The following PITPNM2 variants were observed in gnomAD, a reference collection of about 807,000 sequenced individuals.
PITPNM2 encodes phosphatidylinositol transfer protein membrane associated 2.
A neutral mutation model predicts 132.2 loss-of-function variants in PITPNM2; 35 were observed. That is an observed-to-expected ratio of 0.26 (90% CI 0.20 to 0.35). The LOEUF (loss-of-function observed/expected upper bound fraction) is 0.35, where lower values mean the gene tolerates loss of function less well. Among genes scored for constraint, PITPNM2 ranks in the 10% least tolerant of loss-of-function variants. The pLI is 1.00. For missense variants in PITPNM2, 1,332 were observed against 1,912.0 expected, an observed-to-expected ratio of 0.70 and a Z score of 5.66; for synonymous variants, 738 against 799.2, an observed-to-expected ratio of 0.92 and a Z score of 1.29.
chr12:122,996,416 G>A, intron 13 of PITPNM2, 42 bp downstream of exon 13: 1 of 1,609,518 alleles, frequency 6.2e-7, no homozygotes, highest in Admixed American at 1.7e-5. Flanking sequence ...GCGTGCAGGA[G>A]GCTTCAGGCC....
At chr12:123,028,905 G>T (rs549042226) in intron 3 of PITPNM2, among the ~76,000 whole-genome samples, 1 of 152,284 alleles carries the variant, frequency 6.6e-6, no homozygotes, top group East Asian at 1.9e-4. Flanking sequence ...TCTCAAGATG[G>T]AAATTGGGCT....
intron 3 of PITPNM2, among the ~76,000 whole-genome samples, chr12:123,028,713 A>G (rs2039957959): frequency 2.0e-5 from 3 of 152,186 alleles, no homozygotes; most frequent in Admixed American, 6.5e-5. Flanking sequence ...GTACGTTCAC[A>G]CTTTTGAGTC....
intron 2 of PITPNM2, among the ~76,000 whole-genome samples, chr12:123,039,968 C>CA (rs905542086): frequency 6.6e-6 from 1 of 152,040 alleles, no homozygotes; most frequent in African/African-American, 2.4e-5. Context: ...CCCATCTCTA[C>CA]AAAAAATACA....
intron 2 of PITPNM2, among the ~76,000 whole-genome samples, chr12:123,051,959 G>A (rs1393341033): frequency 6.7e-6 from 1 of 149,390 alleles, no homozygotes; most frequent in African/African-American, 2.5e-5. Flanking sequence ...CTGGAGTGCC[G>A]TGGCGCCATC....
At chr12:123,136,232 G>A (rs771966647) in intron 1 of PITPNM2, among the ~76,000 whole-genome samples, 30 of 151,950 alleles carry the variant, frequency 2.0e-4, no homozygotes, top group Non-Finnish European at 4.0e-4. Flanking sequence ...AACCCAGGAG[G>A]CAGAGCTTGC....
chr12:123,092,839 C>T (rs1168052534), intron 2 of PITPNM2: 4 of 152,310 alleles, frequency 2.6e-5, no homozygotes, highest in Non-Finnish European at 5.9e-5. Context: ...CCTACCTCGA[C>T]CTCTCCCCCG....
intron 1 of PITPNM2, among the ~76,000 whole-genome samples, chr12:123,128,536 A>G (rs1274327952): frequency 1.3e-5 from 2 of 150,890 alleles, no homozygotes; most frequent in Non-Finnish European, 3.0e-5. Flanking sequence ...GGCAAATCAC[A>G]AGGTCAGAAG....
intron 2 of PITPNM2, among the ~76,000 whole-genome samples, chr12:123,068,201 C>G (rs554405430): frequency 1.4e-4 from 7 of 49,716 alleles, no homozygotes; most frequent in Non-Finnish European, 2.6e-4. Flanking sequence ...GGCACGGTGG[C>G]TCACGCCTGT....
At chr12:123,127,364 C>A (rs532468361) in intron 1 of PITPNM2, among the ~76,000 whole-genome samples, 4 of 152,206 alleles carry the variant, frequency 2.6e-5, no homozygotes, top group Non-Finnish European at 4.4e-5. Context: ...AGGTCACTGG[C>A]GTGTTGATGC....
At chr12:122,990,202 G>A (rs569462201) in intron 17 of PITPNM2, among the ~76,000 whole-genome samples, 1 of 152,388 alleles carries the variant, frequency 6.6e-6, no homozygotes, top group African/African-American at 2.4e-5. Flanking sequence ...GGACTGAGAA[G>A]GGAACCCGGG....
chr12:123,150,564 G>C lies in PITPNM2; in HGVS notation c.-200+189C>G, dbSNP rs891910191. ...GGGCGGTCTCCCGAGCGGGGCTCCC[G>C]TACGCCACACCCTCCTCCCTGCCCG... On this transcript the variant is annotated intron_variant, in intron 1 of 25. Transcript: ENST00000320201. This position sits in a 1 kb window ranked among gnomAD's most constrained non-coding sequence, Gnocchi z 6.0. Among the ~76,000 whole-genome samples the C allele has an allele frequency of 2.4e-4, 36 of 151,192 alleles. No homozygotes were observed. Among genetic ancestry groups the C allele is most frequent in the African/African-American group, 8.0e-4 (33 of 41,174 alleles).
chr12:122,986,377 A>T, intron 25 of PITPNM2, 27 bp from the exon 26 acceptor site: 1 of 1,575,632 alleles, frequency 6.3e-7, no homozygotes, highest in Non-Finnish European at 8.6e-7. Flanking sequence ...GACGGCTGTC[A>T]CAGGCTGGGG....
At position 123,000,084 on chromosome 12, in the gene PITPNM2, C is replaced by G. The variant is rs1221612662; in HGVS notation, c.1224+694G>C. Among the ~76,000 whole-genome samples, 1 of 152,208 alleles carries G rather than the reference C, an allele frequency of 6.6e-6. No individual in the cohort carries two copies. Among genetic ancestry groups the G allele is most frequent in the Non-Finnish European group, 1.5e-5 (1 of 68,034 alleles). On this transcript the variant is annotated intron_variant, in intron 10 of 25. Coordinates refer to ENST00000320201, the MANE Select transcript of PITPNM2 (RefSeq NM_020845.3). This position sits in a 1 kb window ranked among gnomAD's most constrained non-coding sequence, Gnocchi z 5.4. ...AGGCTGTGTGGATGTCCCTCCTCCT[C>G]CCCGCCTAGATTCCCCGGGGGCCCG... is the stretch of plus-strand genomic sequence containing the variant.
chr12:123,059,130 C>T (rs947977651), intron 2 of PITPNM2, among the ~76,000 whole-genome samples: 8 of 152,168 alleles, frequency 5.3e-5, no homozygotes, highest in Non-Finnish European at 1.2e-4. Flanking sequence ...AGGGAGAAGG[C>T]CAACCAAGGA....
intron 2 of PITPNM2, among the ~76,000 whole-genome samples, chr12:123,053,183 C>T (rs982493767): frequency 8.6e-5 from 13 of 151,984 alleles, no homozygotes; most frequent in Non-Finnish European, 7.4e-5. Context: ...CCTTGCCTGG[C>T]CCTTTTTAAA....
At chr12:123,129,268 T>TA (rs1167057418) in intron 1 of PITPNM2, among the ~76,000 whole-genome samples, 2 of 150,900 alleles carry the variant, frequency 1.3e-5, no homozygotes, top group Admixed American at 6.6e-5. Context: ...GTCCTGTCTC[T>TA]AAAAAAATTA....
chr12:123,104,270 C>T (rs73413236), intron 2 of PITPNM2, among the ~76,000 whole-genome samples: 5,449 of 152,276 alleles, frequency 0.036, 318 homozygotes, highest in African/African-American at 0.12. Flanking sequence ...CCAACAGGCT[C>T]GCAGCCCCCA....
At chr12:123,042,129 A>G (rs775655512) in intron 2 of PITPNM2, among the ~76,000 whole-genome samples, 3 of 151,788 alleles carry the variant, frequency 2.0e-5, no homozygotes, top group Non-Finnish European at 4.4e-5. Context: ...ATGTCACCCA[A>G]AGAATCAAGG....
In PITPNM2 at chr12:122,987,502, G is replaced by A. The variant is rs1180057317; in HGVS notation, c.3263+9C>T. On this transcript the variant is annotated intron_variant, in intron 22 of 25. Transcript: ENST00000320201. ...CTGCCTATCCCGCCCTCCCAGTGCAGGCATATACCTGACCACCATCTTGAT... is the reference window on the plus strand; with the variant it reads ...CTGCCTATCCCGCCCTCCCAGTGCAAGCATATACCTGACCACCATCTTGAT... 1.9e-6 allele frequency: 3 copies of A among 1,612,204 alleles called. No homozygotes were observed. Among genetic ancestry groups the A allele is most frequent in the Non-Finnish European group, 2.5e-6 (3 of 1,178,660 alleles).
Sources: gnomAD v4.1 joint callset for allele counts (sites outside exome capture counted in the v4.1 genomes callset) on GRCh38, gnomAD v4.1.1 for gene constraint, Gnocchi (gnomAD v3.1) non-coding constraint, MANE v1.5 for transcripts, NCBI Gene and HGNC (gene_info 2026-07-23, HGNC 2026-07-21) for gene names.